Variants in SAMHD1 observed in about 807,000 individuals in gnomAD.
SAMHD1 encodes deoxynucleoside triphosphate triphosphohydrolase SAMHD1.
In SAMHD1, 54 loss-of-function variants were observed where a neutral mutation model predicts 79.6. The ratio of observed to expected loss-of-function variants is 0.68; its 90% CI spans 0.55 to 0.85. The LOEUF (loss-of-function observed/expected upper bound fraction) is 0.85, where lower values mean the gene tolerates loss of function less well. Among genes scored for constraint, SAMHD1 ranks in the 40% least tolerant of loss-of-function variants. SAMHD1 has a pLI of 0.00. For synonymous variants in SAMHD1, 260 were observed against 264.1 expected (o/e 0.98, Z 0.15); for missense variants, 663 against 782.7 (o/e 0.85, Z 1.82).
At chr20:36,904,752 GA>G (rs10709202) in intron 12 of SAMHD1, 44,564 of 162,270 alleles carry the variant, frequency 0.27, 6,356 homozygotes, top group African/African-American at 0.39. Flanking sequence ...TTCACATTTT[GA>G]AAAAAAAAAA....
chr20:36,924,367 GAGAA>G (rs1403072413), intron 6 of SAMHD1, among the ~76,000 whole-genome samples: 2 of 150,860 alleles, frequency 1.3e-5, no homozygotes, highest in South Asian at 2.1e-4. Flanking sequence ...GAGAAAGAAT[GAGAA>G]AGAAAGAAAG....
intron 6 of SAMHD1, among the ~76,000 whole-genome samples, chr20:36,926,106 T>C (rs548601292): frequency 1.3e-5 from 2 of 151,272 alleles, no homozygotes; most frequent in East Asian, 3.9e-4. Flanking sequence ...AGAAAATGTA[T>C]TTCTACCAAA....
At chr20:36,906,535 G>T (rs2063406153) in intron 11 of SAMHD1, among the ~76,000 whole-genome samples, 1 of 152,314 alleles carries the variant, frequency 6.6e-6, no homozygotes, top group South Asian at 2.1e-4. Flanking sequence ...ACAAGAGTGG[G>T]TAGATGAAGC....
chr20:36,905,083 C>A, intron 12 of SAMHD1: 1 of 403,938 alleles, frequency 2.5e-6, no homozygotes, highest in Non-Finnish European at 4.6e-6. Flanking sequence ...AATTGGAGAC[C>A]CACTCTCACT....
At chr20:36,920,387 A>T (rs529452332) in intron 6 of SAMHD1, among the ~76,000 whole-genome samples, 1 of 152,146 alleles carries the variant, frequency 6.6e-6, no homozygotes, top group Admixed American at 6.6e-5. Flanking sequence ...AAGTGGCAGG[A>T]TTACAAGCAA....
At chr20:36,951,398 C>G in intron 1 of SAMHD1, 38 bp downstream of exon 1, 1 of 1,610,472 alleles carries the variant, frequency 6.2e-7, no homozygotes, top group Non-Finnish European at 8.5e-7. Context: ...CGCCCCAGGT[C>G]GCCGCCCTTC....
Position 36,946,788 on chromosome 20 carries a change from G to T in SAMHD1, c.225C>A (p.Gly75=). 1 of 1,612,292 alleles carries T rather than the reference G, an allele frequency of 6.2e-7. No individual in the cohort carries two copies. Among genetic ancestry groups the T allele is most frequent in the Non-Finnish European group, 8.5e-7 (1 of 1,178,726 alleles). The change falls in exon 2 of 16, where the codon GGC becomes GGA. Residue 75 remains glycine (G), a synonymous_variant. Coordinates refer to ENST00000646673, the MANE Select transcript of SAMHD1 (RefSeq NM_015474.4). ...LKNIRENEIT[G]ALLPCLDESR... is the part of the protein sequence containing the mutation. ...ACTCATCAAGACAAGGCAGTAATGC[G>T]CCTGTGATTTCATTTTCTATGGAAG...
intron 1 of SAMHD1, among the ~76,000 whole-genome samples, chr20:36,947,727 G>A (rs1423616175): frequency 6.6e-6 from 1 of 152,036 alleles, no homozygotes; most frequent in Non-Finnish European, 1.5e-5. Flanking sequence ...GAGTGCAGTG[G>A]TGCGATCACA....
In SAMHD1 at chr20:36,915,476, C is replaced by T. The variant is rs190320694; in HGVS notation, c.1062+1246G>A. On this transcript the variant is annotated intron_variant, in intron 9 of 15. Transcript: ENST00000646673. ...TGCAGGCCAGGTACAGTGGCTTACA[C>T]CTATAATGCCAGCACTTTGGGAGGC... Among the ~76,000 whole-genome samples the T allele has an allele frequency of 1.9e-3, 287 of 152,266 alleles. 1 individual carries two copies. Among genetic ancestry groups the T allele is most frequent in the African/African-American group, 6.4e-3 (267 of 41,560 alleles).
At chr20:36,910,731 A>AG (rs11482214) in intron 11 of SAMHD1, among the ~76,000 whole-genome samples, 2 of 87,766 alleles carry the variant, frequency 2.3e-5, no homozygotes, top group Non-Finnish European at 4.2e-5. Flanking sequence ...CTCCATCTCC[A>AG]AAAAAAAAAA....
At chr20:36,925,764 A>C (rs2063532474) in intron 6 of SAMHD1, among the ~76,000 whole-genome samples, 1 of 152,194 alleles carries the variant, frequency 6.6e-6, no homozygotes, top group South Asian at 2.1e-4. Flanking sequence ...TACATTAGAA[A>C]ATCAAACCAT....
intron 1 of SAMHD1, among the ~76,000 whole-genome samples, chr20:36,950,881 C>G (rs1047809936): frequency 3.3e-5 from 5 of 152,142 alleles, no homozygotes; most frequent in African/African-American, 1.2e-4. Flanking sequence ...GGGAGGAAAC[C>G]GAAACCTAAA....
chr20:36,894,398 A>G (rs1990157701), intron 15 of SAMHD1, among the ~76,000 whole-genome samples: 1 of 151,752 alleles, frequency 6.6e-6, no homozygotes, highest in Non-Finnish European at 1.5e-5. Context: ...CACCATGGCT[A>G]ATTTTTGTAT....
intron 3 of SAMHD1, among the ~76,000 whole-genome samples, chr20:36,935,998 C>T (rs184077780): frequency 2.0e-4 from 31 of 152,028 alleles, no homozygotes; most frequent in East Asian, 1.2e-3. Context: ...CATGCAGGTC[C>T]GAGTGCAGGT....
intron 11 of SAMHD1, among the ~76,000 whole-genome samples, chr20:36,906,845 G>A (rs938590906): frequency 2.0e-5 from 3 of 150,946 alleles, no homozygotes; most frequent in Non-Finnish European, 2.9e-5. Flanking sequence ...AAGTTGGAGT[G>A]CGGTGGCGTG....
Position 36,893,086 on chromosome 20 carries a change from A to C in SAMHD1, c.1747-20T>G. On this transcript the variant is annotated intron_variant, in intron 15 of 15. Transcript: ENST00000646673. Reference sequence around the variant, plus strand: ...GCCATCCTATTAGGAAGAGAGAGAAAAACAGGCAATAGAGAAAAGCCAGTT... The same window carrying C: ...GCCATCCTATTAGGAAGAGAGAGAACAACAGGCAATAGAGAAAAGCCAGTT... The C allele has an allele frequency of 1.2e-6, 2 of 1,611,326 alleles. No individual in the cohort carries two copies. Among genetic ancestry groups the C allele is most frequent in the Non-Finnish European group, 1.7e-6 (2 of 1,179,980 alleles).
At chr20:36,898,928 AAAAG>A (rs1568759713) in intron 13 of SAMHD1, among the ~76,000 whole-genome samples, 14 of 150,786 alleles carry the variant, frequency 9.3e-5, no homozygotes, top group South Asian at 4.2e-4. Context: ...AAAAAAAAAA[AAAAG>A]AAAGAAAGAA....
intron 2 of SAMHD1, among the ~76,000 whole-genome samples, chr20:36,943,641 G>A (rs2063662890): frequency 6.6e-6 from 1 of 152,074 alleles, no homozygotes; most frequent in Non-Finnish European, 1.5e-5. Context: ...TAGCACTTGG[G>A]TCCACAAACA....
chr20:36,933,909 G>T (rs953703408), intron 4 of SAMHD1, among the ~76,000 whole-genome samples: 2 of 151,896 alleles, frequency 1.3e-5, no homozygotes, highest in Non-Finnish European at 2.9e-5. Flanking sequence ...AGCCAGGCGT[G>T]GTGGTGGGCA....
Sources: allele counts gnomAD v4.1 joint callset (sites outside exome capture counted in the v4.1 genomes callset), GRCh38; gene constraint gnomAD v4.1.1; transcripts MANE v1.5; gene names NCBI Gene and HGNC (gene_info 2026-07-23, HGNC 2026-07-21).